DPY19L1: variants seen among roughly 807,000 people sequenced by gnomAD.
DPY19L1 encodes dpy-19 like C-mannosyltransferase 1.
DPY19L1 carries 35 observed loss-of-function variants against 96.9 expected under a neutral mutation model. The ratio of observed to expected loss-of-function variants is 0.36; its 90% CI spans 0.28 to 0.48. DPY19L1 has a LOEUF of 0.48. Among genes scored for constraint, DPY19L1 ranks in the 20% least tolerant of loss-of-function variants. The pLI, the probability that DPY19L1 is intolerant of heterozygous loss-of-function variation, is 0.99. For synonymous variants in DPY19L1, 205 were observed against 252.6 expected (o/e 0.81, Z 1.79); for missense variants, 521 against 777.9 (o/e 0.67, Z 3.93).
At chr7:35,011,190 T>A in intron 5 of DPY19L1, 140 bp downstream of exon 5, 1 of 973,904 alleles carries the variant, frequency 1.0e-6, no homozygotes. Context: ...CCTGCCCAAA[T>A]TCTGGACTTG....
At chr7:34,985,694 G>C (rs1785032935) in intron 7 of DPY19L1, among the ~76,000 whole-genome samples, 1 of 152,078 alleles carries the variant, frequency 6.6e-6, no homozygotes, top group Non-Finnish European at 1.5e-5. Flanking sequence ...AGGATGTGGA[G>C]AAGAGGGAAC....
At chr7:34,991,893 C>A (rs1048828322) in intron 6 of DPY19L1, among the ~76,000 whole-genome samples, 1 of 152,120 alleles carries the variant, frequency 6.6e-6, no homozygotes, top group African/African-American at 2.4e-5. Flanking sequence ...TTATAGATGG[C>A]AAATACTGTA....
At chr7:34,965,369 G>T (rs897129966) in intron 10 of DPY19L1, among the ~76,000 whole-genome samples, 1 of 152,084 alleles carries the variant, frequency 6.6e-6, no homozygotes. Context: ...TGAAAAAATG[G>T]TATTTATAAA....
chr7:34,936,302 G>C (rs1613935), intron 21 of DPY19L1, among the ~76,000 whole-genome samples: 37,507 of 145,050 alleles, frequency 0.26, 4,357 homozygotes, highest in Non-Finnish European at 0.3. Flanking sequence ...CAAATCCAGG[G>C]AGCTCTCCCA....
rs1282251394 is a variant in DPY19L1, at chr7:34,929,515, T to G, written c.*2058A>C. On this transcript the variant is annotated 3_prime_UTR_variant, in exon 22 of 22. Coordinates refer to ENST00000638088, the MANE Select transcript of DPY19L1 (RefSeq NM_001366673.1). ...TTTTTTCCTATACAGAATTTCTACTTATTACATGTGAACTTCTTTGGAAGG... is the reference window on the plus strand; with the variant it reads ...TTTTTTCCTATACAGAATTTCTACTGATTACATGTGAACTTCTTTGGAAGG... 6.6e-6 allele frequency: 1 copy of G among 152,212 alleles called. No homozygotes were observed. The highest frequency in any genetic ancestry group is 1.5e-5 in the Non-Finnish European group (1 of 68,028). The allele number at this position is 152,212 out of a possible 1,614,324, so 9.4% of individuals were successfully genotyped here.
chr7:34,989,020 G>C (rs1482629795), intron 7 of DPY19L1, among the ~76,000 whole-genome samples: 1 of 152,154 alleles, frequency 6.6e-6, no homozygotes, highest in Non-Finnish European at 1.5e-5. Context: ...CTAAGGCAAA[G>C]AGAGATTAAA....
chr7:35,037,950 C>G (rs954061056), upstream of DPY19L1: 32 of 1,207,434 alleles, frequency 2.7e-5, no homozygotes, highest in African/African-American at 4.4e-4. Flanking sequence ...GGCGCTGATT[C>G]AAGTTTCGGA....
intron 6 of DPY19L1, among the ~76,000 whole-genome samples, chr7:34,998,215 T>G (rs1378119383): frequency 6.6e-6 from 1 of 152,214 alleles, no homozygotes; most frequent in Non-Finnish European, 1.5e-5. Flanking sequence ...TTCTGCTGAC[T>G]ACTTATGTCT....
chr7:34,961,250 T>TA (rs1343643417), intron 10 of DPY19L1, among the ~76,000 whole-genome samples: 1 of 152,148 alleles, frequency 6.6e-6, no homozygotes, highest in East Asian at 1.9e-4. Flanking sequence ...CAAGACTTGC[T>TA]ATAAAGTTAC....
chr7:35,026,943 T>G (rs889400091), intron 1 of DPY19L1, among the ~76,000 whole-genome samples: 49 of 152,300 alleles, frequency 3.2e-4, no homozygotes, highest in African/African-American at 1.2e-3. Flanking sequence ...ATGCCTGTAA[T>G]CCCAGCACTT....
intron 13 of DPY19L1, among the ~76,000 whole-genome samples, chr7:34,953,099 A>C (rs950176474): frequency 8.5e-5 from 13 of 152,146 alleles, no homozygotes; most frequent in African/African-American, 3.1e-4. Flanking sequence ...GGACAGCTAA[A>C]AACCTACGCT....
chr7:34,943,231 T>C (rs1249478048), intron 16 of DPY19L1, among the ~76,000 whole-genome samples: 1 of 152,230 alleles, frequency 6.6e-6, no homozygotes, highest in Non-Finnish European at 1.5e-5. Flanking sequence ...AAGACTGATA[T>C]ATTAGCAAAC....
rs1168469572 is a variant in DPY19L1 at position 34,931,594 on chromosome 7, G to C, written c.2226C>G (p.Val742=). Residue 742 remains valine (V), a synonymous_variant, in exon 22 of 22, where the codon GTC becomes GTG. Transcript: ENST00000638088. Reference sequence around the variant, plus strand: ...GCAGTCATTCTTTTACAACTTCTAGGACTTTGTAAACACTGTTCTGGAATA... The same window carrying C: ...GCAGTCATTCTTTTACAACTTCTAGCACTTTGTAAACACTGTTCTGGAATA... ...TTVFQNSVYK[V]LEVVKE 6.5e-7 allele frequency: 1 copy of C among 1,547,086 alleles called. No homozygotes were observed. Among genetic ancestry groups the C allele is most frequent in the East Asian group, 2.3e-5 (1 of 44,298 alleles).
chr7:34,984,203 A>G (rs1378575373), intron 7 of DPY19L1, among the ~76,000 whole-genome samples: 2 of 152,230 alleles, frequency 1.3e-5, no homozygotes, highest in African/African-American at 4.8e-5. Context: ...TCTTAAAACT[A>G]AAGAGAAATT....
Position 34,945,724 on chromosome 7 carries a change from T to C in DPY19L1, c.1495-8A>G, listed in dbSNP as rs765687017. On this transcript the variant is annotated splice_region_variant and splice_polypyrimidine_tract_variant and intron_variant, in intron 15 of 21. Transcript: ENST00000638088. Reference sequence around the variant, plus strand: ...CCACATATCACTAATAATCTGTAAATAGATTTTGAAACACTTTAGAAAAGC... The same window carrying C: ...CCACATATCACTAATAATCTGTAAACAGATTTTGAAACACTTTAGAAAAGC... 1.1e-5 allele frequency: 18 copies of C among 1,588,098 alleles called. 1 individual carries two copies. Among genetic ancestry groups the C allele is most frequent in the Admixed American group, 3.5e-5 (2 of 57,776 alleles).
At chr7:34,956,955 C>T (rs903794377) in intron 11 of DPY19L1, among the ~76,000 whole-genome samples, 3 of 152,118 alleles carry the variant, frequency 2.0e-5, no homozygotes, top group Admixed American at 6.5e-5. Context: ...CAGTGCAATA[C>T]GCTTTTAAAG....
chr7:34,990,715 G>C (rs2107579), intron 6 of DPY19L1, among the ~76,000 whole-genome samples: 29,853 of 152,070 alleles, frequency 0.2, 3,308 homozygotes, highest in Admixed American at 0.35. Context: ...GGGACATAAG[G>C]CTATCTTTAG....
chr7:34,975,020 A>G (rs1478495024), intron 7 of DPY19L1, among the ~76,000 whole-genome samples: 4 of 152,120 alleles, frequency 2.6e-5, no homozygotes, highest in South Asian at 4.1e-4. Context: ...TCCACCAATC[A>G]GCCACTCTCC....
intron 21 of DPY19L1, among the ~76,000 whole-genome samples, chr7:34,936,151 A>C (rs1783863674): frequency 6.6e-6 from 1 of 152,252 alleles, no homozygotes; most frequent in Non-Finnish European, 1.5e-5. Flanking sequence ...CTCGTAAGTG[A>C]CTTGAAGTCA....
Sources: allele counts gnomAD v4.1 joint callset (sites outside exome capture counted in the v4.1 genomes callset), GRCh38; gene constraint gnomAD v4.1.1; transcripts MANE v1.5; gene names NCBI Gene and HGNC (gene_info 2026-07-23, HGNC 2026-07-21).